PPP2R2C: variants seen among roughly 807,000 people sequenced by gnomAD.
PPP2R2C encodes protein phosphatase 2 regulatory subunit Bgamma.
In PPP2R2C, 10 loss-of-function variants were observed where a neutral mutation model predicts 45.3. The ratio of observed to expected loss-of-function variants is 0.22; its 90% CI spans 0.14 to 0.37. The LOEUF (loss-of-function observed/expected upper bound fraction) is 0.37, where lower values mean the gene tolerates loss of function less well. Ranked by LOEUF, PPP2R2C falls within the 10% of genes least tolerant of loss-of-function variation. The probability of loss-of-function intolerance (pLI) is 1.00; values close to 1 mark genes in which losing one functional copy is unlikely to be tolerated. For missense variants in PPP2R2C, 308 were observed against 619.7 expected (o/e 0.50, Z 5.34); for synonymous variants, 257 against 245.4 (o/e 1.05, Z -0.44).
intron 1 of PPP2R2C, among the ~76,000 whole-genome samples, chr4:6,444,897 T>C (rs1436751687): frequency 6.6e-6 from 1 of 151,986 alleles, no homozygotes. Flanking sequence ...TCCAAAAACC[T>C]CTCCAGCCTG....
chr4:6,402,206 G>A (rs542697911), intron 1 of PPP2R2C, among the ~76,000 whole-genome samples: 27 of 152,192 alleles, frequency 1.8e-4, no homozygotes, highest in Non-Finnish European at 1.2e-4. Context: ...GGGTCACAGA[G>A]CAGGTAAGTG....
At chr4:6,393,179 A>G (rs1429272410) in intron 1 of PPP2R2C, among the ~76,000 whole-genome samples, 2 of 152,116 alleles carry the variant, frequency 1.3e-5, no homozygotes, top group Non-Finnish European at 2.9e-5. Context: ...CCCCAAAAAG[A>G]AACTCAGAAC....
intron 2 of PPP2R2C, among the ~76,000 whole-genome samples, chr4:6,478,733 A>G (rs1025355953): frequency 1.3e-5 from 2 of 152,180 alleles, no homozygotes; most frequent in African/African-American, 4.8e-5. Context: ...GAACTAGAAG[A>G]CCACAGCCGT....
intron 2 of PPP2R2C, among the ~76,000 whole-genome samples, chr4:6,505,869 G>A (rs1455473230): frequency 6.6e-6 from 1 of 152,152 alleles, no homozygotes; most frequent in Non-Finnish European, 1.5e-5. Flanking sequence ...AGGAGGCTGA[G>A]GCATGAGAAT....
intron 2 of PPP2R2C, among the ~76,000 whole-genome samples, chr4:6,479,899 C>T (rs1722291147): frequency 6.6e-6 from 1 of 152,004 alleles, no homozygotes; most frequent in African/African-American, 2.4e-5. Context: ...TTTGTAGACA[C>T]AGGGTCTCAC....
chr4:6,344,512 C>T (rs1024015967), intron 6 of PPP2R2C, among the ~76,000 whole-genome samples: 3 of 152,170 alleles, frequency 2.0e-5, no homozygotes, highest in Admixed American at 2.0e-4. Context: ...CCCCCTCTAG[C>T]CCACTGAAAA....
chr4:6,432,610 G>A (rs766780908), intron 1 of PPP2R2C, among the ~76,000 whole-genome samples: 2 of 152,172 alleles, frequency 1.3e-5, no homozygotes, highest in Non-Finnish European at 2.9e-5. Flanking sequence ...GGTCACCTAG[G>A]ACATCTGTCA....
At chr4:6,340,646 T>C (rs2109202181) in intron 6 of PPP2R2C, among the ~76,000 whole-genome samples, 1 of 152,190 alleles carries the variant, frequency 6.6e-6, no homozygotes, top group South Asian at 2.1e-4. Flanking sequence ...CCAGCGTCTC[T>C]CACCTGCGTG....
At chr4:6,553,217 T>C (rs1725242349) in intron 1 of PPP2R2C, among the ~76,000 whole-genome samples, 1 of 151,962 alleles carries the variant, frequency 6.6e-6, no homozygotes, top group Non-Finnish European at 1.5e-5. Context: ...CGGGGAGTGT[T>C]CCCCCTCTCC....
At chr4:6,407,541 C>A (rs1717882431) in intron 1 of PPP2R2C, among the ~76,000 whole-genome samples, 1 of 152,130 alleles carries the variant, frequency 6.6e-6, no homozygotes, top group South Asian at 2.1e-4. Context: ...ACAACAGGCA[C>A]CCGCCACCAC....
intron 1 of PPP2R2C, among the ~76,000 whole-genome samples, chr4:6,552,420 C>G (rs2108840840): frequency 6.6e-6 from 1 of 152,272 alleles, no homozygotes; most frequent in Admixed American, 6.5e-5. Flanking sequence ...TGTCCGCATT[C>G]CTTGGCTCAT....
intron 6 of PPP2R2C, among the ~76,000 whole-genome samples, chr4:6,338,322 G>A (rs981348939): frequency 2.6e-5 from 4 of 152,278 alleles, no homozygotes; most frequent in African/African-American, 4.8e-5. Flanking sequence ...CTCATGGCTC[G>A]AGCCGGTTCC....
chr4:6,441,523 C>G (rs1720154338), intron 1 of PPP2R2C, among the ~76,000 whole-genome samples: 2 of 152,196 alleles, frequency 1.3e-5, no homozygotes, highest in Non-Finnish European at 2.9e-5. Flanking sequence ...TCTCTCTCCA[C>G]CTCGCCTCTG....
In PPP2R2C at chr4:6,495,103, C is replaced by T. The variant is rs568107143; in HGVS notation, c.49+40168G>A. 7.2e-5 allele frequency among the ~76,000 whole-genome samples: 11 copies of T among 152,330 alleles called. No individual in the cohort carries two copies. In the East Asian group the frequency reaches 1.4e-3, roughly 19 times the overall value. ...TGAGGGCCCTGCCTCTCCTACCCATCCAGCCTGCCCTGCCAAGGGGCTACG... is the reference window on the plus strand; with the variant it reads ...TGAGGGCCCTGCCTCTCCTACCCATTCAGCCTGCCCTGCCAAGGGGCTACG... On this transcript the variant is annotated intron_variant, in intron 2 of 9. Coordinates refer to the PPP2R2C transcript ENST00000506140.
chr4:6,542,093 G>T lies in PPP2R2C; in HGVS notation c.-58-6716C>A, dbSNP rs76608005. 8.0e-3 allele frequency among the ~76,000 whole-genome samples: 1,212 copies of T among 152,364 alleles called. 7 individuals are homozygous for T. The highest frequency in any genetic ancestry group is 0.02 in the African/African-American group (839 of 41,582). On this transcript the variant is annotated intron_variant, in intron 1 of 9. Coordinates refer to the PPP2R2C transcript ENST00000506140. ...ACCACAGTACCCTCCAAAAGGGACA[G>T]TGACATTCTACAGAGCTTAGGGAGC...
chr4:6,380,788 T>A (rs1468298394), intron 2 of PPP2R2C, among the ~76,000 whole-genome samples: 3 of 151,852 alleles, frequency 2.0e-5, no homozygotes, highest in Non-Finnish European at 4.4e-5. Flanking sequence ...ACCCCTGGAA[T>A]CCATGCCCCT....
intron 2 of PPP2R2C, among the ~76,000 whole-genome samples, chr4:6,499,481 AC>A: frequency 6.6e-6 from 1 of 152,138 alleles, no homozygotes; most frequent in East Asian, 1.9e-4. Context: ...TTCCTTCAAG[AC>A]CAGACGCTTG....
intron 1 of PPP2R2C, among the ~76,000 whole-genome samples, chr4:6,397,765 A>AGAGGGTG (rs1717141860): frequency 1.3e-5 from 2 of 152,176 alleles, no homozygotes; most frequent in Non-Finnish European, 2.9e-5. Context: ...TAATATTCAC[A>AGAGGGTG]CCTGCTTCAG....
chr4:6,450,386 T>A (rs1720674342), intron 1 of PPP2R2C, among the ~76,000 whole-genome samples: 1 of 152,114 alleles, frequency 6.6e-6, no homozygotes, highest in Non-Finnish European at 1.5e-5. Flanking sequence ...GTCTCTCACT[T>A]TATTGAGCAA....
Sources: allele counts gnomAD v4.1 joint callset (sites outside exome capture counted in the v4.1 genomes callset), GRCh38; gene constraint gnomAD v4.1.1; transcripts MANE v1.5; gene names NCBI Gene and HGNC (gene_info 2026-07-23, HGNC 2026-07-21).